Variants in COL11A1 observed in about 807,000 individuals in gnomAD.
The protein encoded by COL11A1 is collagen type XI alpha 1 chain, also known as collagen alpha-1(XI) chain.
A neutral mutation model predicts 265.2 loss-of-function variants in COL11A1; 74 were observed. That is an observed-to-expected ratio of 0.28 (90% CI 0.23 to 0.34). COL11A1 has a LOEUF of 0.34. Among genes scored for constraint, COL11A1 ranks in the 10% least tolerant of loss-of-function variants. The pLI is 1.00. For synonymous variants in COL11A1, 816 were observed against 727.6 expected, an observed-to-expected ratio of 1.12 and a Z score of -1.96; for missense variants, 2,165 against 2,263.6, an observed-to-expected ratio of 0.96 and a Z score of 0.88.
intron 31 of COL11A1, among the ~76,000 whole-genome samples, chr1:102,982,379 A>T (rs569729150): frequency 1.6e-3 from 251 of 152,168 alleles, no homozygotes; most frequent in African/African-American, 5.6e-3. Flanking sequence ...TTTAAATCAA[A>T]ACAAAACAAT....
At position 103,002,798 on chromosome 1, in the gene COL11A1, T is replaced by G; in HGVS notation, c.1999-7A>C. The G allele has an allele frequency of 6.2e-7, 1 of 1,612,542 alleles. No homozygotes were observed. The highest frequency in any genetic ancestry group is 1.1e-5 in the South Asian group (1 of 91,022). ...CATCTACACCTGCCATACCCTGCAATGAAGAAAAAGTATTTATGGTTGTTT... is the reference window on the plus strand; with the variant it reads ...CATCTACACCTGCCATACCCTGCAAGGAAGAAAAAGTATTTATGGTTGTTT... On this transcript the variant is annotated splice_region_variant and splice_polypyrimidine_tract_variant and intron_variant, in intron 21 of 66. Transcript: ENST00000370096.
intron 28 of COL11A1, 65 bp downstream of exon 28, chr1:102,995,799 T>C (rs1664565363): frequency 7.6e-7 from 1 of 1,319,228 alleles, no homozygotes; most frequent in Non-Finnish European, 1.1e-6. Flanking sequence ...AAAATGTCTG[T>C]TGAATAAATT....
intron 28 of COL11A1, among the ~76,000 whole-genome samples, chr1:102,989,941 T>A (rs1267831121): frequency 6.6e-6 from 1 of 152,008 alleles, no homozygotes; most frequent in Non-Finnish European, 1.5e-5. Flanking sequence ...ATCCCCACAC[T>A]TTGGTAGGCG....
At chr1:103,063,630 C>G (rs1251849144) in intron 4 of COL11A1, among the ~76,000 whole-genome samples, 1 of 151,972 alleles carries the variant, frequency 6.6e-6, no homozygotes, top group Non-Finnish European at 1.5e-5. Context: ...AGGAGAAAAC[C>G]TAAATAACCT....
intron 45 of COL11A1, among the ~76,000 whole-genome samples, 181 bp downstream of exon 45, chr1:102,934,879 A>G (rs1416153350): frequency 1.3e-5 from 2 of 152,266 alleles, no homozygotes; most frequent in African/African-American, 4.8e-5. Flanking sequence ...ATGAAGTTAC[A>G]ATATGTTTTG....
intron 42 of COL11A1, among the ~76,000 whole-genome samples, chr1:102,944,978 A>G (rs1659101626): frequency 6.6e-6 from 1 of 152,182 alleles, no homozygotes. Flanking sequence ...TCTGTCACCT[A>G]AAAGTTCTAT....
intron 1 of COL11A1, chr1:103,100,769 G>A (rs1418637883): frequency 6.6e-6 from 1 of 151,920 alleles, no homozygotes; most frequent in African/African-American, 2.4e-5. Flanking sequence ...AAGGGCCTTG[G>A]AGAAAGCTTG....
intron 53 of COL11A1, among the ~76,000 whole-genome samples, chr1:102,912,818 C>T (rs996651014): frequency 2.0e-5 from 3 of 152,128 alleles, no homozygotes; most frequent in Non-Finnish European, 4.4e-5. Context: ...TAATAAGTGG[C>T]TTTTCACCCT....
At chr1:102,928,298 T>C (rs1656892107) in intron 46 of COL11A1, among the ~76,000 whole-genome samples, 1 of 149,568 alleles carries the variant, frequency 6.7e-6, no homozygotes, top group Non-Finnish European at 1.5e-5. Context: ...CCCCTTCCTG[T>C]GTCCATGTGA....
chr1:103,007,853 T>C (rs111305177), intron 15 of COL11A1, among the ~76,000 whole-genome samples: 9,614 of 121,428 alleles, frequency 0.079, 395 homozygotes, highest in Middle Eastern at 0.26. Flanking sequence ...CAGAGCAGAG[T>C]GAGACTCTGT....
intron 4 of COL11A1, among the ~76,000 whole-genome samples, chr1:103,067,727 A>G (rs1671263527): frequency 1.3e-5 from 2 of 151,606 alleles, no homozygotes; most frequent in Admixed American, 6.6e-5. Flanking sequence ...ATCTGGGGGG[A>G]AAATACAAAT....
intron 65 of COL11A1, among the ~76,000 whole-genome samples, chr1:102,880,755 T>C (rs994615925): frequency 1.3e-5 from 2 of 152,124 alleles, no homozygotes; most frequent in African/African-American, 2.4e-5. Context: ...AGTTATTTGT[T>C]ACTTTCTTCC....
intron 47 of COL11A1, among the ~76,000 whole-genome samples, chr1:102,922,466 G>C (rs1202167703): frequency 6.6e-6 from 1 of 152,086 alleles, no homozygotes; most frequent in East Asian, 1.9e-4. Flanking sequence ...GCGCGATCTC[G>C]GCTCACTGCA....
chr1:102,920,202 A>C lies in COL11A1; in HGVS notation c.3762+109T>G, dbSNP rs181060450. On this transcript the variant is annotated intron_variant, in intron 49 of 66. Transcript: ENST00000370096. ...TAGATGACATGTGAATCATATAACT[A>C]TGTAAAAGGCTTAGAAACACACATA... is the stretch of plus-strand genomic sequence containing the variant. 4.7e-4 allele frequency: 467 copies of C among 988,270 alleles called. 4 individuals are homozygous for C. In the Middle Eastern group the frequency reaches 7.3e-3, roughly 15 times the overall value. 61.2% of individuals were successfully genotyped at this position (988,270 alleles called of 1,614,324 possible).
intron 4 of COL11A1, among the ~76,000 whole-genome samples, chr1:103,067,627 AAG>A (rs1439087009): frequency 6.6e-6 from 1 of 151,716 alleles, no homozygotes; most frequent in Non-Finnish European, 1.5e-5. Context: ...TGAAATAGAA[AAG>A]AGTCTGTTAA....
chr1:102,898,115 T>A lies in COL11A1; in HGVS notation c.4302+10A>T. On this transcript the variant is annotated intron_variant, in intron 57 of 66. Transcript: ENST00000370096. The stretch of plus-strand genomic sequence containing the variant: ...CTCACTTTTTAAATGACTGAAAAGA[T>A]CTTACTCACCATAGGACCAGGTGGT... The A allele has an allele frequency of 6.4e-7, 1 of 1,552,620 alleles. No individual in the cohort carries two copies. The highest frequency in any genetic ancestry group is 8.8e-7 in the Non-Finnish European group (1 of 1,139,696).
chr1:103,083,615 CA>C (rs1672613258), intron 1 of COL11A1, among the ~76,000 whole-genome samples: 1 of 152,050 alleles, frequency 6.6e-6, no homozygotes, highest in Non-Finnish European at 1.5e-5. Context: ...ATGCCTTTTT[CA>C]GTGCTTTCCT....
In COL11A1 at chr1:103,002,658, A is replaced by T. The variant is rs974266023; in HGVS notation, c.2043+89T>A. 7.2e-6 allele frequency: 9 copies of T among 1,255,772 alleles called. No individual in the cohort carries two copies. In the African/African-American group the frequency reaches 1.4e-4, roughly 19 times the overall value. 77.8% of individuals were successfully genotyped at this position (1,255,772 alleles called of 1,614,324 possible). On this transcript the variant is annotated intron_variant, in intron 22 of 66. Coordinates refer to ENST00000370096, the MANE Select transcript of COL11A1 (RefSeq NM_001854.4). ...CTAATATACTTAGCAAAATGTAATA[A>T]ATCATTATATTTTAGATTTAACAAC...
At chr1:102,969,647 T>C (rs995646987) in intron 37 of COL11A1, among the ~76,000 whole-genome samples, 1 of 152,246 alleles carries the variant, frequency 6.6e-6, no homozygotes, top group African/African-American at 2.4e-5. Context: ...ATTTGTTTAC[T>C]GTTATATTCT....
Sources: gnomAD v4.1 joint callset for allele counts (sites outside exome capture counted in the v4.1 genomes callset) on GRCh38, gnomAD v4.1.1 for gene constraint, MANE v1.5 for transcripts, NCBI Gene and HGNC (gene_info 2026-07-23, HGNC 2026-07-21) for gene names.